Variants in PCDH9 observed in about 807,000 individuals in gnomAD.
PCDH9 encodes protocadherin-9.
A neutral mutation model predicts 70.6 loss-of-function variants in PCDH9; 24 were observed. The ratio of observed to expected loss-of-function variants is 0.34; its 90% CI spans 0.25 to 0.48. The LOEUF is 0.48. Ranked by LOEUF, PCDH9 falls within the 20% of genes least tolerant of loss-of-function variation. The pLI is 0.99. For missense variants in PCDH9, 1,281 were observed against 1,503.6 expected, an observed-to-expected ratio of 0.85 and a Z score of 2.45; for synonymous variants, 562 against 558.5, an observed-to-expected ratio of 1.01 and a Z score of -0.09.
chr13:66,370,505 A>T (rs1210973030), intron 4 of PCDH9, among the ~76,000 whole-genome samples: 12 of 144,006 alleles, frequency 8.3e-5, no homozygotes, highest in South Asian at 2.2e-4. Flanking sequence ...TTTTTTATTT[A>T]TGTATTCATT....
intron 2 of PCDH9, among the ~76,000 whole-genome samples, chr13:67,199,492 G>T (rs1219612989): frequency 2.0e-5 from 3 of 151,812 alleles, no homozygotes; most frequent in Non-Finnish European, 2.9e-5. Flanking sequence ...GTGAAATTAA[G>T]TGACGAACAT....
At chr13:66,334,333 T>C (rs142337390) in intron 4 of PCDH9, among the ~76,000 whole-genome samples, 3 of 152,234 alleles carry the variant, frequency 2.0e-5, no homozygotes, top group African/African-American at 4.8e-5. Context: ...TAAGGGCACA[T>C]TGATGTTGCT....
intron 4 of PCDH9, among the ~76,000 whole-genome samples, chr13:66,312,789 C>T (rs1299448930): frequency 1.3e-5 from 2 of 152,154 alleles, no homozygotes; most frequent in Non-Finnish European, 2.9e-5. Flanking sequence ...GCACACGAAT[C>T]CACACCACCA....
At chr13:66,681,843 T>A (rs2078324647) in intron 3 of PCDH9, among the ~76,000 whole-genome samples, 1 of 151,798 alleles carries the variant, frequency 6.6e-6, no homozygotes, top group Non-Finnish European at 1.5e-5. Context: ...CCAGAGGAAG[T>A]GCAATGCCTG....
chr13:66,976,682 T>C (rs1365202981), intron 2 of PCDH9, among the ~76,000 whole-genome samples: 1 of 152,088 alleles, frequency 6.6e-6, no homozygotes, highest in Non-Finnish European at 1.5e-5. Flanking sequence ...CAAGCGCCTT[T>C]AGGTGGAAGT....
intron 3 of PCDH9, among the ~76,000 whole-genome samples, chr13:66,725,342 T>C (rs1469966883): frequency 6.6e-6 from 1 of 152,218 alleles, no homozygotes; most frequent in Non-Finnish European, 1.5e-5. Flanking sequence ...ATCTCCCTGC[T>C]TCTACCCTAA....
intron 3 of PCDH9, among the ~76,000 whole-genome samples, chr13:66,835,595 G>C (rs116290904): frequency 6.6e-6 from 1 of 152,130 alleles, no homozygotes; most frequent in African/African-American, 2.4e-5. Flanking sequence ...GTTATATGCC[G>C]GGTTAACTTT....
At chr13:66,392,075 A>C (rs1566290884) in intron 4 of PCDH9, among the ~76,000 whole-genome samples, 1 of 151,958 alleles carries the variant, frequency 6.6e-6, no homozygotes, top group Non-Finnish European at 1.5e-5. Flanking sequence ...GAGAAATTTC[A>C]AATCACTGAA....
chr13:66,650,192 G>T (rs2077830935), intron 3 of PCDH9, among the ~76,000 whole-genome samples: 1 of 151,694 alleles, frequency 6.6e-6, no homozygotes, highest in Admixed American at 6.6e-5. Context: ...AAATAGAGTA[G>T]CTGAATGAAA....
rs549814440 is a variant in PCDH9, at chr13:67,172,550, C to T, written c.3036+52855G>A. 9.1e-4 allele frequency among the ~76,000 whole-genome samples: 139 copies of T among 152,092 alleles called. 1 individual carries two copies. Among genetic ancestry groups the T allele is most frequent in the Middle Eastern group, 6.8e-3 (2 of 294 alleles). On this transcript the variant is annotated intron_variant, in intron 2 of 4. Coordinates refer to ENST00000377865, the MANE Select transcript of PCDH9 (RefSeq NM_203487.3). ...CTGAGAATTGAAGTGATAACAGGGG[C>T]TCAACTTCAAAGGGCTTTTGTGGCC...
chr13:66,990,331 GT>G (rs1296441975), intron 2 of PCDH9, among the ~76,000 whole-genome samples: 1 of 151,626 alleles, frequency 6.6e-6, no homozygotes. Context: ...GACAGTACTT[GT>G]TAATACAGTT....
At chr13:66,370,014 C>T (rs1246782990) in intron 4 of PCDH9, among the ~76,000 whole-genome samples, 1 of 152,082 alleles carries the variant, frequency 6.6e-6, no homozygotes, top group East Asian at 1.9e-4. Context: ...TGCTAAGCAA[C>T]TATCATTGCT....
At chr13:66,528,914 T>A (rs1310647709) in intron 4 of PCDH9, among the ~76,000 whole-genome samples, 1 of 152,088 alleles carries the variant, frequency 6.6e-6, no homozygotes, top group East Asian at 1.9e-4. Flanking sequence ...CTCTCATTAC[T>A]CAATTAATTA....
chr13:67,089,247 A>G lies in PCDH9; in HGVS notation c.3036+136158T>C, dbSNP rs1594495539. ...TATCACATTTTCACTTTTATTATAT[A>G]CAAGTGCAGAAATAGAATTGTCCAT... On this transcript the variant is annotated intron_variant, in intron 2 of 4. Transcript: ENST00000377865. Among the ~76,000 whole-genome samples the G allele has an allele frequency of 5.9e-5, 9 of 152,186 alleles. 1 individual carries two copies. The highest frequency in any genetic ancestry group is 5.9e-4 in the Admixed American group (9 of 15,268).
At chr13:66,560,322 C>T (rs921859610) in intron 4 of PCDH9, among the ~76,000 whole-genome samples, 2 of 152,010 alleles carry the variant, frequency 1.3e-5, no homozygotes, top group African/African-American at 4.8e-5. Flanking sequence ...GGAGGGGTCC[C>T]TCTATTGCAG....
chr13:67,088,018 C>T (rs2086142871), intron 2 of PCDH9, among the ~76,000 whole-genome samples: 1 of 151,954 alleles, frequency 6.6e-6, no homozygotes, highest in Admixed American at 6.6e-5. Context: ...GCCTGATCAG[C>T]CCAAAAGCTG....
At chr13:66,477,675 G>T (rs1958758802) in intron 4 of PCDH9, among the ~76,000 whole-genome samples, 1 of 152,048 alleles carries the variant, frequency 6.6e-6, no homozygotes, top group African/African-American at 2.4e-5. Flanking sequence ...CACTTATAGT[G>T]TTTTACATAT....
chr13:66,468,146 C>G (rs1791030022), intron 4 of PCDH9, among the ~76,000 whole-genome samples: 1 of 151,976 alleles, frequency 6.6e-6, no homozygotes, highest in African/African-American at 2.4e-5. Flanking sequence ...TTCCCAAGCA[C>G]CAACCTGTCC....
intron 4 of PCDH9, among the ~76,000 whole-genome samples, chr13:66,553,230 A>G (rs1961573865): frequency 6.6e-6 from 1 of 152,220 alleles, no homozygotes; most frequent in Non-Finnish European, 1.5e-5. Context: ...AGAAAGAACC[A>G]GTATGACAGC....
Sources: allele counts gnomAD v4.1 joint callset (sites outside exome capture counted in the v4.1 genomes callset), GRCh38; gene constraint gnomAD v4.1.1; transcripts MANE v1.5; gene names NCBI Gene and HGNC (gene_info 2026-07-23, HGNC 2026-07-21).